Variants in STXBP3 observed in about 807,000 individuals in gnomAD.
STXBP3 encodes the protein syntaxin binding protein 3, also known as syntaxin-binding protein 3.
STXBP3 carries 41 observed loss-of-function variants against 85.7 expected under a neutral mutation model. The observed-to-expected ratio is 0.48, with a 90% CI of 0.37 to 0.62. The LOEUF (loss-of-function observed/expected upper bound fraction) is 0.62, where lower values mean the gene tolerates loss of function less well. STXBP3 is among the 20% of genes least tolerant of loss of function. The pLI, the probability that STXBP3 is intolerant of heterozygous loss-of-function variation, is 0.00. For missense variants in STXBP3, 563 were observed against 703.1 expected (o/e 0.80, Z 2.25); for synonymous variants, 229 against 231.7 (o/e 0.99, Z 0.10).
intron 3 of STXBP3, among the ~76,000 whole-genome samples, chr1:108,754,995 C>A (rs1661989281): frequency 6.6e-6 from 1 of 152,094 alleles, no homozygotes; most frequent in Non-Finnish European, 1.5e-5. Context: ...TGAAACTGGG[C>A]ACTGGCAGGT....
At chr1:108,763,525 TAAG>T (rs1662188472) in intron 6 of STXBP3, among the ~76,000 whole-genome samples, 2 of 152,068 alleles carry the variant, frequency 1.3e-5, no homozygotes, top group South Asian at 2.1e-4. Flanking sequence ...GTAACTCTAA[TAAG>T]AGTCACTGAA....
At chr1:108,758,395 T>C in intron 4 of STXBP3, 115 bp from the exon 5 acceptor site, 2 of 479,360 alleles carry the variant, frequency 4.2e-6, no homozygotes, top group South Asian at 4.5e-5. Flanking sequence ...ATTAAACTTT[T>C]AGCCAGTAAA....
intron 12 of STXBP3, among the ~76,000 whole-genome samples, chr1:108,794,338 C>T (rs1010307306): frequency 1.3e-5 from 2 of 152,098 alleles, no homozygotes; most frequent in Admixed American, 6.5e-5. Flanking sequence ...TAAAGGAAAG[C>T]GGTCTAATTG....
chr1:108,773,119 TG>T (rs1185478246), intron 7 of STXBP3, among the ~76,000 whole-genome samples: 1 of 152,188 alleles, frequency 6.6e-6, no homozygotes, highest in Non-Finnish European at 1.5e-5. Flanking sequence ...TTACAGTTAA[TG>T]TTTTTCATTA....
At chr1:108,798,046 G>A in intron 15 of STXBP3, 99 bp from the exon 16 acceptor site, 2 of 1,003,994 alleles carry the variant, frequency 2.0e-6, no homozygotes, top group South Asian at 1.6e-5. Context: ...ATACAATATA[G>A]TATTTACTGG....
Position 108,796,121 on chromosome 1 carries a change from C to T in STXBP3, c.1111-113C>T, listed in dbSNP as rs541031174. 1.6e-5 allele frequency: 19 copies of T among 1,165,006 alleles called. No homozygotes were observed. The African/African-American group carries it at 2.8e-4, about 17-fold the overall frequency. 72.2% of individuals were successfully genotyped at this position (1,165,006 alleles called of 1,614,324 possible). On this transcript the variant is annotated intron_variant, in intron 13 of 18. Coordinates refer to ENST00000370008, the MANE Select transcript of STXBP3 (RefSeq NM_007269.4). ...ACCTCAGGTGATCTGCCTTGGCCTC[C>T]CAAAGTGCTGGGATTACAGGCGTGA...
chr1:108,794,127 A>G (rs944746242), intron 12 of STXBP3, among the ~76,000 whole-genome samples: 11 of 152,218 alleles, frequency 7.2e-5, no homozygotes, highest in African/African-American at 2.7e-4. Context: ...AAAATACTTG[A>G]AACATTTAGA....
chr1:108,785,525 G>A (rs1201685481), intron 11 of STXBP3, among the ~76,000 whole-genome samples: 2 of 151,874 alleles, frequency 1.3e-5, no homozygotes, highest in East Asian at 1.9e-4. Context: ...GATGGGAGGG[G>A]CTACCACGAA....
intron 11 of STXBP3, among the ~76,000 whole-genome samples, chr1:108,786,588 C>T (rs1452091760): frequency 6.6e-6 from 1 of 152,252 alleles, no homozygotes; most frequent in Non-Finnish European, 1.5e-5. Flanking sequence ...TGTTGTGAAT[C>T]AAGTGACCAT....
At chr1:108,769,004 G>A (rs1440006238) in intron 6 of STXBP3, among the ~76,000 whole-genome samples, 2 of 152,150 alleles carry the variant, frequency 1.3e-5, no homozygotes, top group African/African-American at 4.8e-5. Flanking sequence ...AAAAATTTGT[G>A]TATAATTTTA....
At chr1:108,800,097 AATCTT>A in intron 16 of STXBP3, 118 bp from the exon 17 acceptor site, 1 of 682,140 alleles carries the variant, frequency 1.5e-6, no homozygotes, top group Non-Finnish European at 2.6e-6. Context: ...AGAAAAGACT[AATCTT>A]ATACTAAATA....
chr1:108,770,543 C>G (rs1455944207), intron 6 of STXBP3, among the ~76,000 whole-genome samples: 1 of 152,142 alleles, frequency 6.6e-6, no homozygotes, highest in Non-Finnish European at 1.5e-5. Flanking sequence ...AAATTTTCAT[C>G]TATGTTCAGG....
chr1:108,776,388 G>T lies in STXBP3; in HGVS notation c.649G>T (p.Asp217Tyr). 6.2e-7 allele frequency: 1 copy of T among 1,608,682 alleles called. No homozygotes were observed. The highest frequency in any genetic ancestry group is 1.1e-5 in the South Asian group (1 of 90,500). The stretch of plus-strand genomic sequence containing the variant: ...ACAGCTTGTTGAAAAAAAGCTTGAA[G>T]ACTACTACAAGATTGATGAAAAGAG... ...LAQLVEKKLE[D>Y]YYKIDEKSLI... is the part of the protein sequence containing the mutation. Residue 217 changes from aspartate to tyrosine, a missense_variant, in exon 8 of 19, where the codon GAC (aspartate) becomes TAC (tyrosine). Physicochemically the swap from Asp to Tyr is radical, Grantham distance 160. Coordinates refer to ENST00000370008, the MANE Select transcript of STXBP3 (RefSeq NM_007269.4).
rs1383603000 is a variant in STXBP3 at position 108,772,292 on chromosome 1, TATG to T, written c.439-370_439-368del. On this transcript the variant is annotated intron_variant, in intron 6 of 18. Coordinates refer to ENST00000370008, the MANE Select transcript of STXBP3 (RefSeq NM_007269.4). ...TCTATCTGTATCATATATAAATACA[TATG>T]ATATCTGTATCATATATAAATACAT... is the stretch of plus-strand genomic sequence containing the variant. Among the ~76,000 whole-genome samples, 9 of 73,566 alleles carry T rather than the reference TATG, an allele frequency of 1.2e-4. 2 individuals carry two copies. Among genetic ancestry groups the T allele is most frequent in the South Asian group, 7.9e-4 (2 of 2,540 alleles). 48.3% of individuals were successfully genotyped at this position (73,566 alleles called of 152,430 possible).
intron 11 of STXBP3, among the ~76,000 whole-genome samples, chr1:108,790,028 A>T (rs913140890): frequency 6.6e-6 from 1 of 151,104 alleles, no homozygotes; most frequent in Non-Finnish European, 1.5e-5. Context: ...CTGACCTAGC[A>T]TATATTATCA....
At chr1:108,793,774 A>G (rs1663028898) in intron 12 of STXBP3, 127 bp downstream of exon 12, 1 of 667,262 alleles carries the variant, frequency 1.5e-6, no homozygotes, top group Non-Finnish European at 2.4e-6. Context: ...CTAAAACCTT[A>G]CTATAGGTCT....
chr1:108,767,183 C>A, intron 6 of STXBP3: 1 of 244,372 alleles, frequency 4.1e-6, no homozygotes, highest in Non-Finnish European at 8.1e-6. Flanking sequence ...CTGTCTGACC[C>A]CATTCATTAC....
intron 11 of STXBP3, among the ~76,000 whole-genome samples, chr1:108,792,010 C>G (rs1662984581): frequency 6.6e-6 from 1 of 152,146 alleles, no homozygotes; most frequent in Non-Finnish European, 1.5e-5. Flanking sequence ...TATGGATGTA[C>G]CACAAGTTGT....
intron 18 of STXBP3, among the ~76,000 whole-genome samples, chr1:108,807,777 A>G (rs560792310): frequency 6.4e-4 from 98 of 152,122 alleles, no homozygotes; most frequent in South Asian, 4.4e-3. Context: ...GGGTTTCACC[A>G]TGTTGGCCAG....
Sources: allele counts gnomAD v4.1 joint callset (sites outside exome capture counted in the v4.1 genomes callset), GRCh38; gene constraint gnomAD v4.1.1; transcripts MANE v1.5; gene names NCBI Gene and HGNC (gene_info 2026-07-23, HGNC 2026-07-21).